Variants in COP1 observed in about 807,000 individuals in gnomAD.
COP1 encodes the protein E3 ubiquitin-protein ligase COP1.
A neutral mutation model predicts 101.3 loss-of-function variants in COP1; 24 were observed. The observed-to-expected ratio is 0.24, with a 90% CI of 0.17 to 0.33. COP1 has a LOEUF of 0.33. Among genes scored for constraint, COP1 ranks in the 10% least tolerant of loss-of-function variants. The pLI is 1.00. For missense variants in COP1, 663 were observed against 906.2 expected (o/e 0.73, Z 3.45); for synonymous variants, 347 against 341.9 (o/e 1.01, Z -0.17).
chr1:176,108,910 G>A (rs982104696), intron 9 of COP1, among the ~76,000 whole-genome samples: 1 of 151,954 alleles, frequency 6.6e-6, no homozygotes, highest in Admixed American at 6.6e-5. Context: ...TCAAGAGATC[G>A]AAACCATCCT....
At chr1:176,149,156 T>C (rs924922191) in intron 5 of COP1, 82 bp from the exon 6 acceptor site, 9 of 734,594 alleles carry the variant, frequency 1.2e-5, no homozygotes, top group Middle Eastern at 4.1e-4. Context: ...ATAAACAGTA[T>C]GAAGCAAATT....
At chr1:176,078,988 CAG>C (rs1678605771) in intron 11 of COP1, among the ~76,000 whole-genome samples, 1 of 151,982 alleles carries the variant, frequency 6.6e-6, no homozygotes, top group South Asian at 2.1e-4. Context: ...CAAAAAATAA[CAG>C]ATACTGGCAA....
intron 1 of COP1, among the ~76,000 whole-genome samples, chr1:176,185,258 G>T (rs1191522800): frequency 6.6e-6 from 1 of 152,160 alleles, no homozygotes; most frequent in African/African-American, 2.4e-5. Context: ...ACAACAAAGT[G>T]AAATAGGTAC....
chr1:175,984,470 T>C (rs1241886174), intron 18 of COP1, among the ~76,000 whole-genome samples: 1 of 152,210 alleles, frequency 6.6e-6, no homozygotes, highest in African/African-American at 2.4e-5. Flanking sequence ...AGAAGTTTGC[T>C]GCAAGGGTGG....
chr1:176,004,669 T>C (rs1040165088), intron 15 of COP1, among the ~76,000 whole-genome samples: 14 of 151,066 alleles, frequency 9.3e-5, no homozygotes, highest in Non-Finnish European at 1.6e-4. Context: ...GATTTGTGTG[T>C]ATTGAACCAG....
At chr1:175,988,703 C>T in intron 16 of COP1, 2 of 216,410 alleles carry the variant, frequency 9.2e-6, no homozygotes, top group Non-Finnish European at 1.9e-5. Flanking sequence ...CGTGGTAGCA[C>T]GTGCCTGTAG....
intron 6 of COP1, among the ~76,000 whole-genome samples, chr1:176,146,451 A>C (rs879201065): frequency 6.6e-6 from 1 of 152,254 alleles, no homozygotes; most frequent in Non-Finnish European, 1.5e-5. Flanking sequence ...ATAATTTCCA[A>C]GATGAAGTTA....
chr1:176,016,634 G>C (rs1665699764), intron 15 of COP1, among the ~76,000 whole-genome samples: 2 of 152,224 alleles, frequency 1.3e-5, no homozygotes, highest in South Asian at 2.1e-4. Context: ...GAACAGAGAT[G>C]CCAGGTACAT....
intron 9 of COP1, among the ~76,000 whole-genome samples, chr1:176,115,235 G>A (rs183691641): frequency 6.6e-6 from 1 of 151,834 alleles, no homozygotes. Flanking sequence ...GATCACCTGA[G>A]ATCAGGAGTT....
intron 1 of COP1, among the ~76,000 whole-genome samples, chr1:176,203,140 A>T (rs768787213): frequency 9.2e-5 from 14 of 151,846 alleles, no homozygotes; most frequent in Non-Finnish European, 2.9e-5. Flanking sequence ...GATCGAGACC[A>T]TCCTGGCTAA....
At chr1:176,023,543 AC>A (rs1667139564) in intron 15 of COP1, among the ~76,000 whole-genome samples, 1 of 151,898 alleles carries the variant, frequency 6.6e-6, no homozygotes, top group Non-Finnish European at 1.5e-5. Context: ...ACATGGTGAA[AC>A]CCCATCTCTA....
intron 15 of COP1, among the ~76,000 whole-genome samples, chr1:176,026,305 A>G (rs1218058077): frequency 2.0e-5 from 3 of 151,936 alleles, no homozygotes; most frequent in Non-Finnish European, 4.4e-5. Flanking sequence ...CAAACTCAAT[A>G]AACTAAGAGT....
At chr1:176,051,660 T>C (rs1435499867) in intron 11 of COP1, among the ~76,000 whole-genome samples, 1 of 152,152 alleles carries the variant, frequency 6.6e-6, no homozygotes. Flanking sequence ...TCATAGGAGA[T>C]GACAGCTCCA....
intron 15 of COP1, among the ~76,000 whole-genome samples, chr1:176,003,755 C>G (rs1320834777): frequency 6.6e-6 from 1 of 151,110 alleles, no homozygotes; most frequent in Admixed American, 6.6e-5. Flanking sequence ...TTACTGTAGC[C>G]TTGTAGTATA....
chr1:175,948,085 G>T (rs1649412579), intron 18 of COP1, among the ~76,000 whole-genome samples: 1 of 152,184 alleles, frequency 6.6e-6, no homozygotes, highest in Non-Finnish European at 1.5e-5. Context: ...TTCAGCACAT[G>T]CATTTTTAAT....
At chr1:175,974,106 T>C (rs562661941) in intron 18 of COP1, among the ~76,000 whole-genome samples, 23 of 152,148 alleles carry the variant, frequency 1.5e-4, no homozygotes, top group African/African-American at 5.1e-4. Context: ...AACAGTGAGA[T>C]AAACAAGTCT....
chr1:176,189,487 A>T (rs1268651603), intron 1 of COP1, among the ~76,000 whole-genome samples: 9 of 152,020 alleles, frequency 5.9e-5, no homozygotes, highest in Non-Finnish European at 7.4e-5. Flanking sequence ...TTTTATACTC[A>T]ACAAAAATAT....
intron 5 of COP1, among the ~76,000 whole-genome samples, chr1:176,156,402 T>G (rs143283667): frequency 1.3e-5 from 2 of 151,828 alleles, no homozygotes; most frequent in African/African-American, 4.8e-5. Flanking sequence ...GAGGGAGAAA[T>G]GGAAAACAAA....
At chr1:175,984,881 T>G (rs1178735706) in intron 18 of COP1, among the ~76,000 whole-genome samples, 2 of 152,216 alleles carry the variant, frequency 1.3e-5, no homozygotes, top group Admixed American at 1.3e-4. Context: ...ATTTCTCCCA[T>G]TTTGAATAGC....
Sources: gnomAD v4.1 joint callset for allele counts (sites outside exome capture counted in the v4.1 genomes callset) on GRCh38, gnomAD v4.1.1 for gene constraint, MANE v1.5 for transcripts, NCBI Gene and HGNC (gene_info 2026-07-23, HGNC 2026-07-21) for gene names.